PISD: variants seen among roughly 807,000 people sequenced by gnomAD.
The protein encoded by PISD is phosphatidylserine decarboxylase.
A neutral mutation model predicts 43.5 loss-of-function variants in PISD; 31 were observed. The ratio of observed to expected loss-of-function variants is 0.71; its 90% CI spans 0.54 to 0.96. The LOEUF (loss-of-function observed/expected upper bound fraction) is 0.96. PISD is among the 40% of genes least tolerant of loss of function. PISD has a pLI of 0.00. For synonymous variants in PISD, 259 were observed against 228.7 expected, an observed-to-expected ratio of 1.13 and a Z score of -1.20; for missense variants, 523 against 548.4, an observed-to-expected ratio of 0.95 and a Z score of 0.46.
intron 3 of PISD, among the ~76,000 whole-genome samples, chr22:31,644,296 G>A (rs886940080): frequency 4.7e-5 from 7 of 149,716 alleles, no homozygotes; most frequent in Admixed American, 6.7e-5. Flanking sequence ...CTGGAGTGCA[G>A]TGGCATGATC....
At chr22:31,637,204 T>TATATATACAC (rs1267117734) in intron 3 of PISD, among the ~76,000 whole-genome samples, 27 of 95,766 alleles carry the variant, frequency 2.8e-4, no homozygotes, top group South Asian at 6.8e-4. Context: ...TATATATATA[T>TATATATACAC]ATAGAAAAAT....
chr22:31,625,842 G>A (rs779557749), intron 3 of PISD: 12 of 1,585,868 alleles, frequency 7.6e-6, no homozygotes, highest in South Asian at 1.2e-5. Context: ...GGCGGGGCGA[G>A]GCTCACTCGA....
At chr22:31,661,052 G>A (rs1406490152) in intron 1 of PISD, among the ~76,000 whole-genome samples, 1 of 152,140 alleles carries the variant, frequency 6.6e-6, no homozygotes, top group African/African-American at 2.4e-5. Flanking sequence ...CACTTTAAAT[G>A]AATTCAGGGT....
chr22:31,637,152 AAAAAAAAAAAAAAT>A (rs1164252470), intron 3 of PISD, among the ~76,000 whole-genome samples: 1 of 30,586 alleles, frequency 3.3e-5, no homozygotes, highest in East Asian at 1.1e-3. Flanking sequence ...TTAAAAAAAA[AAAAAAAAAAAAAAT>A]ATATATATAT....
intron 1 of PISD, among the ~76,000 whole-genome samples, chr22:31,653,015 G>C (rs1755182991): frequency 1.3e-5 from 2 of 149,886 alleles, no homozygotes; most frequent in South Asian, 4.2e-4. Flanking sequence ...CTCCAGGCTG[G>C]GTGACAGAGT....
chr22:31,647,642 C>T (rs1037404774), intron 3 of PISD, among the ~76,000 whole-genome samples: 1 of 152,188 alleles, frequency 6.6e-6, no homozygotes, highest in African/African-American at 2.4e-5. Context: ...ATCGTGCATT[C>T]CGTAACAATG....
intron 1 of PISD, among the ~76,000 whole-genome samples, chr22:31,655,253 A>G (rs777861906): frequency 1.3e-5 from 2 of 151,888 alleles, no homozygotes; most frequent in Non-Finnish European, 2.9e-5. Context: ...CAACATTACT[A>G]TAATTAACAC....
intron 3 of PISD, among the ~76,000 whole-genome samples, chr22:31,634,264 G>A (rs1440155876): frequency 6.6e-6 from 1 of 152,198 alleles, no homozygotes; most frequent in Non-Finnish European, 1.5e-5. Context: ...GATGGCTGGG[G>A]TCTTAACGGC....
rs141299772 is a variant in PISD, at chr22:31,623,718, G to A, written c.322-1833C>T. On this transcript the variant is annotated intron_variant, in intron 3 of 7. Coordinates refer to ENST00000439502, the MANE Select transcript of PISD (RefSeq NM_001326411.2). ...GGGCCTCCATCCCACCCGGCTGAGC[G>A]GTCTGAGGGCGCCGAAGGGCAGGAG... The A allele has an allele frequency of 5.8e-5, 94 of 1,614,122 alleles. No individual in the cohort carries two copies. The highest frequency in any genetic ancestry group is 3.1e-4 in the South Asian group (28 of 91,086).
At chr22:31,624,652 C>CAGACAG (rs2072775997) in intron 3 of PISD, among the ~76,000 whole-genome samples, 1 of 139,918 alleles carries the variant, frequency 7.1e-6, no homozygotes, top group Non-Finnish European at 1.6e-5. Flanking sequence ...GCTGCACAGA[C>CAGACAG]AGACACACAC....
intron 2 of PISD, among the ~76,000 whole-genome samples, chr22:31,648,972 C>G (rs528408000): frequency 6.6e-6 from 1 of 152,184 alleles, no homozygotes; most frequent in African/African-American, 2.4e-5. Context: ...GCTCTTTGAT[C>G]TTGCTTTTAT....
intron 3 of PISD, chr22:31,629,012 C>T (rs201661065): frequency 8.1e-6 from 8 of 985,370 alleles, no homozygotes; most frequent in East Asian, 1.1e-4. Context: ...CTGATAGGAC[C>T]GTATAGGGGG....
chr22:31,632,086 A>C (rs1284378732), intron 3 of PISD: 5 of 180,932 alleles, frequency 2.8e-5, no homozygotes, highest in African/African-American at 9.5e-5. Context: ...ACAGGAGGAG[A>C]GGGTCTGTAG....
intron 3 of PISD, among the ~76,000 whole-genome samples, chr22:31,643,857 G>A (rs773323396): frequency 1.6e-4 from 24 of 152,256 alleles, no homozygotes; most frequent in South Asian, 8.3e-4. Flanking sequence ...GACTATCCTG[G>A]TTAACACGGT....
At chr22:31,639,402 T>C (rs901960512) in intron 3 of PISD, among the ~76,000 whole-genome samples, 5 of 152,046 alleles carry the variant, frequency 3.3e-5, no homozygotes, top group Non-Finnish European at 7.4e-5. Flanking sequence ...AATTTTTTAA[T>C]GTATTTTTTT....
intron 3 of PISD, among the ~76,000 whole-genome samples, chr22:31,639,528 G>C (rs541430460): frequency 6.4e-4 from 97 of 152,050 alleles, no homozygotes; most frequent in Non-Finnish European, 7.4e-4. Context: ...ATGCCTAGCT[G>C]AAAGTGTATA....
chr22:31,623,746 A>G lies in PISD; in HGVS notation c.322-1861T>C. 1.2e-6 allele frequency: 2 copies of G among 1,614,154 alleles called. No individual in the cohort carries two copies. The highest frequency in any genetic ancestry group is 1.1e-5 in the South Asian group (1 of 91,088). On this transcript the variant is annotated intron_variant, in intron 3 of 7. Coordinates refer to ENST00000439502, the MANE Select transcript of PISD (RefSeq NM_001326411.2). ...CTGAGGGCGCCGAAGGGCAGGAGGTAGTAGAGGACGGTCAAGGGCCAGGAG... is the reference window on the plus strand; with the variant it reads ...CTGAGGGCGCCGAAGGGCAGGAGGTGGTAGAGGACGGTCAAGGGCCAGGAG...
At chr22:31,646,917 C>T (rs9619216) in intron 3 of PISD, among the ~76,000 whole-genome samples, 2,181 of 151,964 alleles carry the variant, frequency 0.014, 49 homozygotes, top group African/African-American at 0.049. Context: ...CCAAGGCGTA[C>T]GAACAGGCCA....
intron 1 of PISD, among the ~76,000 whole-genome samples, chr22:31,655,242 C>T (rs2074135150): frequency 6.6e-6 from 1 of 151,706 alleles, no homozygotes; most frequent in Non-Finnish European, 1.5e-5. Flanking sequence ...TGTTACAGTA[C>T]CAACATTACT....
Sources: allele counts gnomAD v4.1 joint callset (sites outside exome capture counted in the v4.1 genomes callset), GRCh38; gene constraint gnomAD v4.1.1; transcripts MANE v1.5; gene names NCBI Gene and HGNC (gene_info 2026-07-23, HGNC 2026-07-21).